Variants in SPATA6 observed in about 807,000 individuals in gnomAD.
SPATA6 encodes the protein spermatogenesis associated 6.
SPATA6 carries 56 observed loss-of-function variants against 65.3 expected under a neutral mutation model. That is an observed-to-expected ratio of 0.86 (90% CI 0.69 to 1.07). The LOEUF (loss-of-function observed/expected upper bound fraction) is 1.07, where lower values mean the gene tolerates loss of function less well. SPATA6 is among the 50% of genes least tolerant of loss of function. The probability of loss-of-function intolerance (pLI) is 0.00; values close to 1 mark genes in which losing one functional copy is unlikely to be tolerated. For missense variants in SPATA6, 590 were observed against 594.8 expected, an observed-to-expected ratio of 0.99 and a Z score of 0.08; for synonymous variants, 199 against 213.2, an observed-to-expected ratio of 0.93 and a Z score of 0.58.
intron 1 of SPATA6, among the ~76,000 whole-genome samples, chr1:48,461,267 A>T: frequency 6.6e-6 from 1 of 151,684 alleles, no homozygotes; most frequent in Non-Finnish European, 1.5e-5. Flanking sequence ...GGTTGCGAAA[A>T]TTTTCTCCCG....
At chr1:48,312,071 C>T (rs746749113) in intron 11 of SPATA6, among the ~76,000 whole-genome samples, 3 of 152,196 alleles carry the variant, frequency 2.0e-5, no homozygotes, top group Non-Finnish European at 4.4e-5. Flanking sequence ...GGCCAGGAAG[C>T]TCAAACTCGG....
the SPATA6 span, among the ~76,000 whole-genome samples, chr1:48,283,862 T>C: frequency 2.0e-5 from 3 of 152,052 alleles, no homozygotes; most frequent in Non-Finnish European, 4.4e-5. Flanking sequence ...GCCCTTAACA[T>C]TTTTTCATTG....
At chr1:48,451,640 A>G in intron 2 of SPATA6, 40 bp from the exon 3 acceptor site, 4 of 1,573,460 alleles carry the variant, frequency 2.5e-6, no homozygotes, top group Non-Finnish European at 3.4e-6. Context: ...GAAGGAAGAT[A>G]TATATTTTTT....
At chr1:48,318,266 G>A (rs536894786) in intron 11 of SPATA6, among the ~76,000 whole-genome samples, 11 of 152,258 alleles carry the variant, frequency 7.2e-5, no homozygotes, top group African/African-American at 2.6e-4. Context: ...CAGTATATTG[G>A]GGGTGCTATC....
At chr1:48,370,358 G>A (rs1169127751) in intron 9 of SPATA6, among the ~76,000 whole-genome samples, 1 of 152,216 alleles carries the variant, frequency 6.6e-6, no homozygotes, top group Non-Finnish European at 1.5e-5. Flanking sequence ...AGGATGGCCA[G>A]AGGAAAGTAT....
At chr1:48,431,620 G>A (rs1654411570) in intron 3 of SPATA6, among the ~76,000 whole-genome samples, 1 of 152,038 alleles carries the variant, frequency 6.6e-6, no homozygotes, top group South Asian at 2.1e-4. Context: ...AACAACAGAA[G>A]TAAACTTGGA....
intron 12 of SPATA6, among the ~76,000 whole-genome samples, chr1:48,300,674 A>C (rs1644915280): frequency 6.6e-6 from 1 of 152,170 alleles, no homozygotes; most frequent in South Asian, 2.1e-4. Flanking sequence ...GAATATTAGA[A>C]AATTGAATTC....
At chr1:48,291,929 C>A (rs1036785156), downstream of SPATA6, among the ~76,000 whole-genome samples, 1 of 152,130 alleles carries the variant, frequency 6.6e-6, no homozygotes, top group Non-Finnish European at 1.5e-5. Flanking sequence ...TTTTAAATCT[C>A]TTTGTTGAAG....
At chr1:48,446,970 C>T (rs1156689547) in intron 3 of SPATA6, among the ~76,000 whole-genome samples, 2 of 152,064 alleles carry the variant, frequency 1.3e-5, no homozygotes, top group Non-Finnish European at 2.9e-5. Flanking sequence ...CCAACCTCTT[C>T]TCTTTCTCTT....
At chr1:48,433,941 T>C (rs955782811) in intron 3 of SPATA6, among the ~76,000 whole-genome samples, 4 of 152,102 alleles carry the variant, frequency 2.6e-5, no homozygotes, top group South Asian at 4.1e-4. Context: ...TAGCTCCCTA[T>C]AGGGAAGAGA....
At chr1:48,421,334 T>A (rs1001106655) in intron 3 of SPATA6, among the ~76,000 whole-genome samples, 3 of 151,978 alleles carry the variant, frequency 2.0e-5, no homozygotes, top group Non-Finnish European at 4.4e-5. Context: ...ATTATGTCAA[T>A]TAAAAATAAA....
At chr1:48,299,868 C>G (rs1055409405) in intron 12 of SPATA6, among the ~76,000 whole-genome samples, 2 of 152,106 alleles carry the variant, frequency 1.3e-5, no homozygotes, top group Admixed American at 1.3e-4. Context: ...GCTCTAAGAC[C>G]CTTTCTACTA....
At chr1:48,430,339 T>C (rs1387888962) in intron 3 of SPATA6, among the ~76,000 whole-genome samples, 2 of 151,994 alleles carry the variant, frequency 1.3e-5, no homozygotes, top group Non-Finnish European at 2.9e-5. Flanking sequence ...ATATACAAAA[T>C]ATTTAAAGAA....
chr1:48,472,075 G>T lies in SPATA6; in HGVS notation c.-67C>A. On this transcript the variant is annotated 5_prime_UTR_variant, in exon 1 of 13. Transcript: ENST00000371847. ...CCCGAGTGAGGCGGGGAGACCTGGG[G>T]CTGGGCGGGGACGGGGAGGAGACGA... The T allele has an allele frequency of 7.9e-7, 1 of 1,269,636 alleles. No homozygotes were observed. The highest frequency in any genetic ancestry group is 1.0e-6 in the Non-Finnish European group (1 of 955,262). 78.6% of individuals were successfully genotyped at this position (1,269,636 alleles called of 1,614,324 possible).
At chr1:48,278,906 C>A in the SPATA6 span, among the ~76,000 whole-genome samples, 3 of 152,034 alleles carry the variant, frequency 2.0e-5, no homozygotes, top group African/African-American at 7.2e-5. Context: ...TAAATAAAGG[C>A]AAAAATGTTA....
chr1:48,409,640 G>A (rs917171891), intron 5 of SPATA6, among the ~76,000 whole-genome samples: 8 of 152,342 alleles, frequency 5.3e-5, no homozygotes, highest in East Asian at 1.9e-4. Flanking sequence ...GCATCCAGGC[G>A]TTTCCACACA....
intron 9 of SPATA6, among the ~76,000 whole-genome samples, chr1:48,380,451 T>G (rs781348700): frequency 6.6e-6 from 1 of 152,132 alleles, no homozygotes; most frequent in Admixed American, 6.5e-5. Flanking sequence ...TGAAATGCAG[T>G]TTTTGGTGGA....
intron 11 of SPATA6, among the ~76,000 whole-genome samples, chr1:48,341,743 T>A (rs1646221334): frequency 6.6e-6 from 1 of 152,186 alleles, no homozygotes; most frequent in African/African-American, 2.4e-5. Context: ...AAGTTCATAC[T>A]AGTTTTGCTG....
intron 3 of SPATA6, among the ~76,000 whole-genome samples, chr1:48,444,312 C>T (rs1655804299): frequency 6.6e-6 from 1 of 151,628 alleles, no homozygotes; most frequent in Non-Finnish European, 1.5e-5. Flanking sequence ...ATGCACCAAT[C>T]AGCACTCTGT....
Sources: gnomAD v4.1 joint callset for allele counts (sites outside exome capture counted in the v4.1 genomes callset) on GRCh38, gnomAD v4.1.1 for gene constraint, MANE v1.5 for transcripts, NCBI Gene and HGNC (gene_info 2026-07-23, HGNC 2026-07-21) for gene names.